The following NEB variants were observed in gnomAD, a reference collection of about 807,000 sequenced individuals.
The protein encoded by NEB is nemaline myopathy type 2.
NEB carries 512 observed loss-of-function variants against 952.2 expected under a neutral mutation model. That is an observed-to-expected ratio of 0.54 (90% CI 0.50 to 0.58). The LOEUF (loss-of-function observed/expected upper bound fraction) is 0.58, where lower values mean the gene tolerates loss of function less well. Among genes scored for constraint, NEB ranks in the 20% least tolerant of loss-of-function variants. NEB has a pLI of 0.00. For missense variants in NEB, 8,428 were observed against 9,231.1 expected (o/e 0.91, Z 3.56); for synonymous variants, 2,900 against 3,149.8 (o/e 0.92, Z 2.66).
At chr2:151,711,123 A>G (rs1309546510) in intron 10 of NEB, among the ~76,000 whole-genome samples, 1 of 152,220 alleles carries the variant, frequency 6.6e-6, no homozygotes. Flanking sequence ...TGGAAGAGAG[A>G]AGTGGTATGT....
chr2:151,614,758 G>C (rs2098135139), intron 76 of NEB, among the ~76,000 whole-genome samples, 171 bp from the exon 77 acceptor site: 1 of 152,128 alleles, frequency 6.6e-6, no homozygotes, highest in Non-Finnish European at 1.5e-5. Context: ...AGCAGGGGTT[G>C]AGTGATTTGC....
intron 145 of NEB, 148 bp from the exon 146 acceptor site, chr2:151,529,462 C>T (rs1186268199): frequency 3.2e-6 from 2 of 627,764 alleles, no homozygotes; most frequent in Admixed American, 2.6e-5. Flanking sequence ...AGCAAGGATA[C>T]AGCCATGCAG....
chr2:151,567,399 A>C lies in NEB; in HGVS notation c.17925T>G (p.Val5975=), dbSNP rs374410062. The C allele has an allele frequency of 6.2e-7, 1 of 1,613,810 alleles. No homozygotes were observed. Residue 5975 remains valine (V), a synonymous_variant, in exon 114 of 182, where the codon GTT becomes GTG. Transcript: ENST00000397345. The part of the protein sequence containing the change: ...VPTMRDDPKL[V]WFEHAGQIQN... ...GAATCTGGCCTGCATGCTCAAACCAAACCAGCTTAGGATCATCTCTCATCG... is the reference window on the plus strand; with the variant it reads ...GAATCTGGCCTGCATGCTCAAACCACACCAGCTTAGGATCATCTCTCATCG...
rs1355555135 is a variant in NEB at position 151,489,400 on chromosome 2, A to G, written c.25404+571T>C. 2.6e-5 allele frequency among the ~76,000 whole-genome samples: 4 copies of G among 152,268 alleles called. No homozygotes were observed. The East Asian group carries it at 5.8e-4, about 22-fold the overall frequency. On this transcript the variant is annotated intron_variant, in intron 181 of 181. Coordinates refer to ENST00000397345, the MANE Select transcript of NEB (RefSeq NM_001164508.2). ...ATATGTGGGCACATTGCATACATCT[A>G]TACATTCTTGATTTTTGAGACAGGG... is the stretch of plus-strand genomic sequence containing the variant.
chr2:151,498,039 G>GAAAC (rs2061487221), intron 170 of NEB: 2 of 1,445,260 alleles, frequency 1.4e-6, no homozygotes, highest in South Asian at 3.0e-5. Context: ...CACACAAATG[G>GAAAC]AAACATTCAT....
chr2:151,688,331 C>T lies in NEB; in HGVS notation c.2376G>A (p.Gln792=). The change falls in exon 25 of 182, where the codon CAG becomes CAA. Residue 792 remains glutamine (Q), a synonymous_variant. Coordinates refer to ENST00000397345, the MANE Select transcript of NEB (RefSeq NM_001164508.2). ...AGGCATTGACTCTGTGTTGGATAAA[C>T]TGTGGAGCATCTGCTGGTATATGGC... is the stretch of plus-strand genomic sequence containing the variant. The part of the protein sequence containing the change: ...FKCHIPADAP[Q]FIQHRVNAYN... 1 of 1,613,910 alleles carries T rather than the reference C, an allele frequency of 6.2e-7. No individual in the cohort carries two copies. Among genetic ancestry groups the T allele is most frequent in the Non-Finnish European group, 8.5e-7 (1 of 1,179,834 alleles).
At chr2:151,728,818 T>C (rs1207847454) in intron 4 of NEB, among the ~76,000 whole-genome samples, 1 of 152,178 alleles carries the variant, frequency 6.6e-6, no homozygotes, top group Non-Finnish European at 1.5e-5. Context: ...AGTAAGGAAA[T>C]TGTACATTTA....
chr2:151,664,819 A>T lies in NEB; in HGVS notation c.5283T>A (p.His1761Gln), dbSNP rs1203496483. 8.1e-6 allele frequency: 13 copies of T among 1,613,152 alleles called. No homozygotes were observed. The highest frequency in any genetic ancestry group is 1.0e-5 in the Non-Finnish European group (12 of 1,179,476). Residue 1761 changes from histidine (H) to glutamine (Q), a missense_variant, in exon 43 of 182, where the codon CAT (histidine) becomes CAA (glutamine). His to Gln is a conservative substitution (Grantham distance 24). Transcript: ENST00000397345. The part of the protein sequence containing the change: ...EKWNKDKTTI[H>Q]VMPDTPDILL... ...AAATATCCGGTGTGTCAGGCATGAC[A>T]TGAATGGTGGTCTTGTCCTTGTTCC...
chr2:151,544,883 A>G (rs2094500037), intron 135 of NEB, among the ~76,000 whole-genome samples: 1 of 152,264 alleles, frequency 6.6e-6, no homozygotes, highest in Admixed American at 6.5e-5. Flanking sequence ...TGATGAATGG[A>G]GCTACAATAC....
intron 50 of NEB, among the ~76,000 whole-genome samples, chr2:151,655,606 A>T (rs1166534093): frequency 6.6e-6 from 1 of 152,226 alleles, no homozygotes; most frequent in East Asian, 1.9e-4. Context: ...TATAATAATT[A>T]AAAACATAAA....
chr2:151,569,282 C>T lies in NEB; in HGVS notation c.17521G>A (p.Asp5841Asn), dbSNP rs1476059190. ...VSVNHAKHAADIFSEKKYRTK... is the reference protein window; with the variant it reads ...VSVNHAKHAANIFSEKKYRTK... ...TCTTGGAATACCTCACTGAAGATGT[C>T]CGCGGCATGTTTGGCATGATTGACG... Residue 5841 changes from aspartate to asparagine, a missense_variant, in exon 110 of 182, where the codon GAC becomes AAC. Coordinates refer to ENST00000397345, the MANE Select transcript of NEB (RefSeq NM_001164508.2). 1.2e-6 allele frequency: 2 copies of T among 1,613,816 alleles called. No homozygotes were observed. Among genetic ancestry groups the T allele is most frequent in the East Asian group, 2.2e-5 (1 of 44,858 alleles).
chr2:151,675,215 C>A (rs1006039324), intron 35 of NEB, 72 bp downstream of exon 35: 1 of 1,056,944 alleles, frequency 9.5e-7, no homozygotes, highest in Non-Finnish European at 1.4e-6. Context: ...TGTCAAGGCA[C>A]CATCCTACTC....
intron 68 of NEB, among the ~76,000 whole-genome samples, chr2:151,628,372 C>T (rs1424720983): frequency 1.3e-5 from 2 of 152,190 alleles, no homozygotes; most frequent in African/African-American, 4.8e-5. Flanking sequence ...ATACTACAAG[C>T]CCTGCTCTGT....
intron 3 of NEB, among the ~76,000 whole-genome samples, chr2:151,731,261 T>C (rs2099807444): frequency 6.6e-6 from 1 of 152,202 alleles, no homozygotes; most frequent in South Asian, 2.1e-4. Flanking sequence ...ATGGTTGGCA[T>C]TAACTTGTAT....
rs753267809 is a variant in NEB, at chr2:151,643,914, G to A, written c.7860C>T (p.Ser2620=). The change falls in exon 57 of 182, where the codon AGC becomes AGT. Residue 2620 remains serine (S), a synonymous_variant. Transcript: ENST00000397345. ...VLAKKCQTLV[S]DVDYKNYLHQ... is the part of the protein sequence containing the mutation. ...GCAGGTAGTTCTTGTAGTCCACGTC[G>A]CTGACTAAGGTCTGGCACTTCTTGG... 1.9e-5 allele frequency: 30 copies of A among 1,613,778 alleles called. No homozygotes were observed. The highest frequency in any genetic ancestry group is 1.6e-4 in the Middle Eastern group (1 of 6,084).
intron 64 of NEB, among the ~76,000 whole-genome samples, chr2:151,635,100 A>C (rs1387935443): frequency 5.3e-5 from 8 of 152,166 alleles, no homozygotes; most frequent in Non-Finnish European, 8.8e-5. Flanking sequence ...TGCTTAAACA[A>C]TCCTCAAAAT....
intron 5 of NEB, among the ~76,000 whole-genome samples, chr2:151,726,794 G>A (rs1211457074): frequency 6.6e-6 from 1 of 152,162 alleles, no homozygotes; most frequent in African/African-American, 2.4e-5. Flanking sequence ...GTGGGGCCAA[G>A]GTGGGAGGAT....
rs201566336 is a variant in NEB at position 151,494,170 on chromosome 2, G to A, written c.24570C>T (p.Asn8190=). ...TTTCTCAAGACAATACCGAGCTAAT[G>A]TTTTCTTGATTGCGTTTGACTCTCT... ...EMQRVKRNQE[N]ISSVLYKENL... The change falls in exon 174 of 182, where the codon AAC becomes AAT. Residue 8190 remains asparagine, a synonymous_variant. Transcript: ENST00000397345. The A allele has an allele frequency of 8.6e-5, 138 of 1,605,602 alleles. No homozygotes were observed. The highest frequency in any genetic ancestry group is 8.1e-5 in the Non-Finnish European group (95 of 1,175,324).
chr2:151,627,931 T>G (rs574324297), intron 68 of NEB, 97 bp from the exon 69 acceptor site: 11 of 1,425,716 alleles, frequency 7.7e-6, no homozygotes, highest in East Asian at 4.7e-5. Context: ...TGCTAATTCT[T>G]GCAGAGTAAT....
Sources: gnomAD v4.1 joint callset for allele counts (sites outside exome capture counted in the v4.1 genomes callset) on GRCh38, gnomAD v4.1.1 for gene constraint, MANE v1.5 for transcripts, NCBI Gene and HGNC (gene_info 2026-07-23, HGNC 2026-07-21) for gene names.